The following CNBD1 variants were observed in gnomAD, a reference collection of about 807,000 sequenced individuals.
The protein encoded by CNBD1 is cyclic nucleotide binding domain containing 1.
A neutral mutation model predicts 54.4 loss-of-function variants in CNBD1; 71 were observed. The observed-to-expected ratio is 1.30, with a 90% CI of 1.08 to 1.59. The LOEUF (loss-of-function observed/expected upper bound fraction) is 1.59, where lower values mean the gene tolerates loss of function less well. Among genes scored for constraint, CNBD1 ranks in the 40% most tolerant of loss-of-function variants. The pLI, the probability that CNBD1 is intolerant of heterozygous loss-of-function variation, is 0.00. For missense variants in CNBD1, 659 were observed against 518.0 expected, an observed-to-expected ratio of 1.27 and a Z score of -2.64; for synonymous variants, 182 against 170.7, an observed-to-expected ratio of 1.07 and a Z score of -0.51.
intron 4 of CNBD1, among the ~76,000 whole-genome samples, chr8:87,158,015 C>CT (rs913720848): frequency 6.6e-6 from 1 of 151,938 alleles, no homozygotes; most frequent in African/African-American, 2.4e-5. Context: ...ACTACTGATT[C>CT]TTTTTTTAAT....
chr8:86,938,677 C>G (rs923892278), intron 3 of CNBD1, among the ~76,000 whole-genome samples: 1 of 152,168 alleles, frequency 6.6e-6, no homozygotes, highest in African/African-American at 2.4e-5. Flanking sequence ...ATTCCTTTAT[C>G]TCCCACTGGG....
chr8:86,985,632 AC>A (rs1319063572), intron 4 of CNBD1, among the ~76,000 whole-genome samples: 1 of 152,140 alleles, frequency 6.6e-6, no homozygotes, highest in Non-Finnish European at 1.5e-5. Context: ...TTTAACCAGT[AC>A]ACCATTGAAT....
At chr8:87,421,424 C>G (rs1389049274) in intron 2 of CNBD1, among the ~76,000 whole-genome samples, 1 of 124,224 alleles carries the variant, frequency 8.0e-6, no homozygotes, top group Non-Finnish European at 1.7e-5. Flanking sequence ...TCCCTCCCCC[C>G]CTCCCCCCAC....
At chr8:86,993,061 ACT>A (rs1010794335) in intron 4 of CNBD1, among the ~76,000 whole-genome samples, 7 of 151,166 alleles carry the variant, frequency 4.6e-5, no homozygotes, top group African/African-American at 1.7e-4. Flanking sequence ...CAAGTTGCTT[ACT>A]CTCTCTCCTT....
In CNBD1 at chr8:86,916,300, G is replaced by C. The variant is rs200295635; in HGVS notation, c.272+11106G>C. Among the ~76,000 whole-genome samples, 7 of 152,184 alleles carry C rather than the reference G, an allele frequency of 4.6e-5. No homozygotes were observed. In the East Asian group the frequency reaches 5.8e-4, roughly 13 times the overall value. The stretch of plus-strand genomic sequence containing the variant: ...TAAAGTACACCTGGAAGAGGGCCAA[G>C]TGGGCAACAGGAGAGATCAAGTGCA... On this transcript the variant is annotated intron_variant, in intron 3 of 10. Coordinates refer to ENST00000518476, the MANE Select transcript of CNBD1 (RefSeq NM_173538.3).
intron 4 of CNBD1, among the ~76,000 whole-genome samples, chr8:87,145,218 A>G (rs1296775074): frequency 1.3e-5 from 2 of 152,196 alleles, no homozygotes; most frequent in African/African-American, 4.8e-5. Flanking sequence ...ATCAATTACA[A>G]CAGAATGACA....
intron 2 of CNBD1, among the ~76,000 whole-genome samples, chr8:87,427,107 G>C (rs564656998): frequency 6.6e-6 from 1 of 151,982 alleles, no homozygotes; most frequent in African/African-American, 2.4e-5. Flanking sequence ...CAAGGACCTC[G>C]CAGTTCCCCC....
chr8:87,193,102 A>G (rs1813646298), intron 4 of CNBD1, among the ~76,000 whole-genome samples: 1 of 152,224 alleles, frequency 6.6e-6, no homozygotes, highest in Non-Finnish European at 1.5e-5. Flanking sequence ...GAGATTAAGC[A>G]TTCAATGAAA....
intron 2 of CNBD1, among the ~76,000 whole-genome samples, chr8:87,411,094 C>A (rs1807734102): frequency 6.6e-6 from 1 of 151,784 alleles, no homozygotes; most frequent in Non-Finnish European, 1.5e-5. Flanking sequence ...ACTTGGGGGT[C>A]TGGAACAAAA....
At chr8:86,982,866 A>G (rs909584397) in intron 4 of CNBD1, among the ~76,000 whole-genome samples, 25 of 152,210 alleles carry the variant, frequency 1.6e-4, no homozygotes, top group Admixed American at 2.0e-4. Flanking sequence ...ACTGGGATTA[A>G]TTTTTGGAGA....
intron 6 of CNBD1, 192 bp downstream of exon 6, chr8:87,237,304 A>G (rs182921012): frequency 7.3e-5 from 29 of 396,374 alleles, no homozygotes; most frequent in Middle Eastern, 6.7e-4. Context: ...GATGCCTTCA[A>G]CAGCATCTGA....
intron 2 of CNBD1, among the ~76,000 whole-genome samples, chr8:87,388,177 C>A (rs1225281817): frequency 2.0e-5 from 3 of 152,130 alleles, no homozygotes; most frequent in African/African-American, 7.2e-5. Context: ...GACACCCTAA[C>A]ATCACAATTA....
At chr8:87,233,702 T>A (rs1807513288) in intron 5 of CNBD1, among the ~76,000 whole-genome samples, 1 of 152,026 alleles carries the variant, frequency 6.6e-6, no homozygotes, top group South Asian at 2.1e-4. Flanking sequence ...ACTCCGGGGC[T>A]CAAGTGATTC....
At chr8:87,045,551 C>G (rs200913367) in intron 4 of CNBD1, among the ~76,000 whole-genome samples, 7 of 151,696 alleles carry the variant, frequency 4.6e-5, no homozygotes, top group African/African-American at 1.7e-4. Flanking sequence ...TGGTAAAACC[C>G]CGTCTCTACT....
intron 3 of CNBD1, among the ~76,000 whole-genome samples, chr8:86,939,159 C>T (rs13248219): frequency 0.48 from 72,450 of 151,824 alleles, 18,285 homozygotes; most frequent in South Asian, 0.6. Context: ...TGGCTATCTT[C>T]CAAGATGTTT....
chr8:87,251,791 T>C (rs1807923109), intron 6 of CNBD1, among the ~76,000 whole-genome samples: 1 of 152,168 alleles, frequency 6.6e-6, no homozygotes, highest in South Asian at 2.1e-4. Flanking sequence ...GTAAAACATT[T>C]CATTCTTCTT....
intron 2 of CNBD1, among the ~76,000 whole-genome samples, chr8:87,388,198 A>C (rs1811231665): frequency 6.6e-6 from 1 of 152,190 alleles, no homozygotes; most frequent in South Asian, 2.1e-4. Flanking sequence ...AAAGAACTAG[A>C]GAAGCAAGAG....
intron 4 of CNBD1, among the ~76,000 whole-genome samples, chr8:86,959,620 C>T (rs1807875264): frequency 6.6e-6 from 1 of 152,122 alleles, no homozygotes; most frequent in African/African-American, 2.4e-5. Context: ...CACTGATACC[C>T]TTTCTTCCAC....
intron 4 of CNBD1, among the ~76,000 whole-genome samples, chr8:87,014,967 G>A (rs2130566841): frequency 6.6e-6 from 1 of 152,128 alleles, no homozygotes; most frequent in South Asian, 2.1e-4. Context: ...GATATTTGGG[G>A]TAAAACAAAA....
Sources: gnomAD v4.1 joint callset for allele counts (sites outside exome capture counted in the v4.1 genomes callset) on GRCh38, gnomAD v4.1.1 for gene constraint, MANE v1.5 for transcripts, NCBI Gene and HGNC (gene_info 2026-07-23, HGNC 2026-07-21) for gene names.